MRPL58: variants seen among roughly 807,000 people sequenced by gnomAD.
MRPL58 encodes mitochondrial ribosomal protein L58.
MRPL58 carries 17 observed loss-of-function variants against 26.0 expected under a neutral mutation model. The ratio of observed to expected loss-of-function variants is 0.65; its 90% confidence interval spans 0.45 to 0.98. MRPL58 has a LOEUF of 0.98. Among genes scored for constraint, MRPL58 ranks in the 50% least tolerant of loss-of-function variants. The probability of loss-of-function intolerance (pLI) is 0.00; values close to 1 mark genes in which losing one functional copy is unlikely to be tolerated. For synonymous variants in MRPL58, 100 were observed against 99.7 expected (o/e 1.00, Z -0.02); for missense variants, 250 against 269.0 (o/e 0.93, Z 0.49).
Position 75,012,854 on chromosome 17 carries a change from CACCG to C in MRPL58, c.169_172del (p.Thr57ProfsTer17). 1 of 1,611,292 alleles carries C rather than the reference CACCG, an allele frequency of 6.2e-7. No individual in the cohort carries two copies. The stretch of plus-strand genomic sequence containing the variant: ...TCTACCCCGAATCTCAGGGCTCGGA[CACCG>C]CCTGGAGGGTCCCGGTGAGCCGGGA... On this transcript the variant is annotated frameshift_variant, in exon 1 of 6. Coordinates refer to ENST00000301585, the MANE Select transcript of MRPL58 (RefSeq NM_001545.3). LOFTEE classifies it high-confidence loss of function.
intron 1 of MRPL58, among the ~76,000 whole-genome samples, 195 bp downstream of exon 1, chr17:75,013,067 G>A (rs1397827063): frequency 6.6e-6 from 1 of 152,180 alleles, no homozygotes; most frequent in Non-Finnish European, 1.5e-5. Context: ...GCAGGAGCCC[G>A]GAAGGCCGGC....
intron 1 of MRPL58, among the ~76,000 whole-genome samples, chr17:75,014,944 TGGAA>T (rs1388352460): frequency 2.0e-5 from 3 of 152,178 alleles, no homozygotes; most frequent in Admixed American, 6.5e-5. Context: ...TTAATTCTAA[TGGAA>T]GGAGCAGACA....
intron 1 of MRPL58, among the ~76,000 whole-genome samples, chr17:75,014,179 CTTTTTTT>C (rs570042413): frequency 2.6e-5 from 2 of 77,020 alleles, no homozygotes; most frequent in African/African-American, 1.2e-4. Context: ...AGTCTGGGGC[CTTTTTTT>C]TTTTTTTTTT....
chr17:75,019,487 TC>T (rs1759022632), intron 2 of MRPL58, among the ~76,000 whole-genome samples: 1 of 152,156 alleles, frequency 6.6e-6, no homozygotes, highest in Non-Finnish European at 1.5e-5. Flanking sequence ...AAGGAGGAAA[TC>T]CTCTTAAAAG....
intron 2 of MRPL58, chr17:75,018,713 T>C (rs538646817): frequency 6.6e-6 from 1 of 152,100 alleles, no homozygotes; most frequent in East Asian, 1.9e-4. Context: ...ACCATTTACA[T>C]AACTGTAAAA....
At chr17:75,014,838 A>C (rs1387280433) in intron 1 of MRPL58, among the ~76,000 whole-genome samples, 2 of 152,208 alleles carry the variant, frequency 1.3e-5, no homozygotes. Context: ...TCATTCAATA[A>C]AATGTTTATT....
At chr17:75,016,080 G>A (rs139100819) in intron 1 of MRPL58, among the ~76,000 whole-genome samples, 5,460 of 146,758 alleles carry the variant, frequency 0.037, 130 homozygotes, top group African/African-American at 0.059. Flanking sequence ...CACTGCACCC[G>A]GCCAACTCCC....
chr17:75,013,427 T>C (rs779499575), intron 1 of MRPL58, among the ~76,000 whole-genome samples: 1 of 151,442 alleles, frequency 6.6e-6, no homozygotes, highest in Non-Finnish European at 1.5e-5. Flanking sequence ...CATTCATTTG[T>C]TCATTAATTC....
intron 1 of MRPL58, among the ~76,000 whole-genome samples, chr17:75,013,246 A>G (rs553421334): frequency 1.8e-3 from 270 of 152,282 alleles, no homozygotes; most frequent in Non-Finnish European, 3.2e-3. Context: ...TACAGTGTCC[A>G]TTGTCTCTAG....
At chr17:75,019,932 T>C (rs1008213049) in intron 3 of MRPL58, among the ~76,000 whole-genome samples, 173 bp downstream of exon 3, 1 of 152,216 alleles carries the variant, frequency 6.6e-6, no homozygotes, top group Non-Finnish European at 1.5e-5. Flanking sequence ...TTCTCAGACA[T>C]TCAGCTGTGG....
At chr17:75,016,039 C>G (rs2039971359) in intron 1 of MRPL58, among the ~76,000 whole-genome samples, 2 of 50,004 alleles carry the variant, frequency 4.0e-5, no homozygotes, top group African/African-American at 1.7e-4. Flanking sequence ...CCCGTCTCGG[C>G]CTCCCAAAGT....
At chr17:75,014,885 A>G (rs567986246) in intron 1 of MRPL58, among the ~76,000 whole-genome samples, 1 of 152,240 alleles carries the variant, frequency 6.6e-6, no homozygotes, top group Non-Finnish European at 1.5e-5. Flanking sequence ...TGAGTCTAGC[A>G]TATACAGCCA....
intron 1 of MRPL58, among the ~76,000 whole-genome samples, chr17:75,015,878 CCT>C (rs1183700030): frequency 1.3e-5 from 2 of 152,164 alleles, no homozygotes; most frequent in African/African-American, 2.4e-5. Flanking sequence ...ACCTCCATCT[CCT>C]GGGTTCAAGC....
intron 3 of MRPL58, 120 bp downstream of exon 3, chr17:75,019,879 C>A: frequency 1.5e-6 from 1 of 682,736 alleles, no homozygotes; most frequent in Non-Finnish European, 2.5e-6. Context: ...TTTAATACTG[C>A]CAGCTTATAA....
chr17:75,017,799 C>A (rs1414616171), intron 2 of MRPL58, among the ~76,000 whole-genome samples: 2 of 152,016 alleles, frequency 1.3e-5, no homozygotes, highest in East Asian at 3.9e-4. Context: ...TGGTGGGCGC[C>A]TGTGATCCCA....
intron 2 of MRPL58, chr17:75,018,776 A>G (rs1567980734): frequency 6.6e-6 from 1 of 152,144 alleles, no homozygotes; most frequent in African/African-American, 2.4e-5. Flanking sequence ...CTGTAAAGAA[A>G]CAATGAGCCT....
At chr17:75,013,946 A>C (rs1322689017) in intron 1 of MRPL58, among the ~76,000 whole-genome samples, 3 of 152,162 alleles carry the variant, frequency 2.0e-5, no homozygotes, top group African/African-American at 7.2e-5. Context: ...GAATTATCTT[A>C]GTTTTACAAG....
chr17:75,016,130 G>T (rs988077079), intron 1 of MRPL58, among the ~76,000 whole-genome samples: 4 of 151,532 alleles, frequency 2.6e-5, no homozygotes, highest in African/African-American at 9.7e-5. Flanking sequence ...CAGGCTGGGC[G>T]TGGTGGCTCA....
intron 1 of MRPL58, among the ~76,000 whole-genome samples, chr17:75,013,404 G>A (rs1157427671): frequency 6.6e-6 from 1 of 152,094 alleles, no homozygotes; most frequent in East Asian, 1.9e-4. Flanking sequence ...TTACAGGACT[G>A]GAAAAGAATA....
Sources: allele counts gnomAD v4.1 joint callset (sites outside exome capture counted in the v4.1 genomes callset), GRCh38; gene constraint gnomAD v4.1.1; transcripts MANE v1.5; gene names NCBI Gene and HGNC (gene_info 2026-07-23, HGNC 2026-07-21).